The following ZNF560 variants were observed in gnomAD, a reference collection of about 807,000 sequenced individuals.
ZNF560 encodes the protein zinc finger protein 560.
ZNF560 carries 54 observed loss-of-function variants against 81.8 expected under a neutral mutation model. That is an observed-to-expected ratio of 0.66 (90% CI 0.53 to 0.83). The LOEUF is 0.83. Among genes scored for constraint, ZNF560 ranks in the 40% least tolerant of loss-of-function variants. ZNF560 has a pLI of 0.00. For synonymous variants in ZNF560, 321 were observed against 317.9 expected (o/e 1.01, Z -0.10); for missense variants, 940 against 932.4 (o/e 1.01, Z -0.11).
chr19:9,492,208 G>A (rs943769506), intron 2 of ZNF560, among the ~76,000 whole-genome samples: 2 of 152,090 alleles, frequency 1.3e-5, no homozygotes, highest in Non-Finnish European at 2.9e-5. Flanking sequence ...GTTTCACCAT[G>A]TTGCCCAGGT....
rs566216411 is a variant in ZNF560, at chr19:9,473,233, T to C, written c.184A>G (p.Ile62Val). ...VGFQLFKPSVISWLEEEELRT... is the reference protein window; with the variant it reads ...VGFQLFKPSVVSWLEEEELRT... ...AACTCTTCTTCTTCCAACCAAGAGA[T>C]GACACTGGGTTTAAAGAGCTGAAAT... Residue 62 changes from isoleucine to valine, a missense_variant, in exon 5 of 10, where the codon ATC becomes GTC. Physicochemically the swap from Ile to Val is conservative, Grantham distance 29. Transcript: ENST00000301480. 3.1e-6 allele frequency: 5 copies of C among 1,612,530 alleles called. No homozygotes were observed. In the Admixed American group the frequency reaches 6.7e-5, roughly 22 times the overall value.
Position 9,469,640 on chromosome 19 carries a change from T to C in ZNF560, c.519A>G (p.Arg173=). ...EEEEELSTLP[R]VLQEWKMCLK... ...TTCACAAACACTCACCTTGGAGAAC[T>C]CTTGGCAGTGTGCTCAACTCTTCCT... is the stretch of plus-strand genomic sequence containing the variant. The change falls in exon 8 of 10, where the codon AGA becomes AGG. Residue 173 remains arginine (R), a synonymous_variant. Transcript: ENST00000301480. The C allele has an allele frequency of 6.2e-7, 1 of 1,614,136 alleles. No individual in the cohort carries two copies. Among genetic ancestry groups the C allele is most frequent in the Non-Finnish European group, 8.5e-7 (1 of 1,179,978 alleles).
At chr19:9,504,548 A>T in the ZNF560 span, among the ~76,000 whole-genome samples, 1 of 152,226 alleles carries the variant, frequency 6.6e-6, no homozygotes, top group Non-Finnish European at 1.5e-5. Flanking sequence ...TTCTCATGAT[A>T]TCAGATGGAC....
At chr19:9,492,182 T>G (rs2073484884) in intron 2 of ZNF560, among the ~76,000 whole-genome samples, 1 of 151,920 alleles carries the variant, frequency 6.6e-6, no homozygotes. Flanking sequence ...TGATTTTTTG[T>G]TTTCATAGAG....
chr19:9,480,287 A>G (rs1482996763), intron 2 of ZNF560, among the ~76,000 whole-genome samples: 4 of 152,232 alleles, frequency 2.6e-5, no homozygotes, highest in African/African-American at 9.6e-5. Context: ...AAATCATATC[A>G]AACATCTTTT....
At chr19:9,502,518 T>C (rs1194343484), upstream of ZNF560, among the ~76,000 whole-genome samples, 1 of 152,176 alleles carries the variant, frequency 6.6e-6, no homozygotes, top group Non-Finnish European at 1.5e-5. Flanking sequence ...CCTCCTGTTC[T>C]ACTTTTTTGG....
At chr19:9,500,697 C>T (rs2144738723), upstream of ZNF560, among the ~76,000 whole-genome samples, 1 of 152,030 alleles carries the variant, frequency 6.6e-6, no homozygotes, top group Admixed American at 6.5e-5. Flanking sequence ...CTCAGCCTCC[C>T]AAGTAGGTGG....
At position 9,470,397 on chromosome 19, in the gene ZNF560, G is replaced by A; in HGVS notation, c.443C>T (p.Ser148Leu). The change falls in exon 7 of 10, where the codon TCA becomes TTA. Residue 148 changes from serine (S) to leucine (L), a missense_variant. By Grantham distance (145) the Ser-to-Leu change is moderately radical. Transcript: ENST00000301480. ...AGGGATGATGCCAGACTTACCTACT[G>A]AGGACAGGTTCTTGTAGTTCTCCAG... Reference protein sequence around the residue: ...VMLENYKNLSSVGYQLFKPSL... With the variant: ...VMLENYKNLSLVGYQLFKPSL... 1.2e-6 allele frequency: 2 copies of A among 1,610,790 alleles called. No homozygotes were observed. The highest frequency in any genetic ancestry group is 8.5e-7 in the Non-Finnish European group (1 of 1,178,406).
chr19:9,465,596 C>T (rs192168416), downstream of ZNF560, among the ~76,000 whole-genome samples: 37 of 152,288 alleles, frequency 2.4e-4, no homozygotes, highest in Non-Finnish European at 4.4e-4. Flanking sequence ...GACAAATGAG[C>T]ACTTTGACAC....
the ZNF560 span, among the ~76,000 whole-genome samples, chr19:9,451,896 G>A: frequency 6.6e-6 from 1 of 152,060 alleles, no homozygotes; most frequent in Non-Finnish European, 1.5e-5. Flanking sequence ...CCAGCATGGT[G>A]AAACCCCCAT....
intron 3 of ZNF560, among the ~76,000 whole-genome samples, chr19:9,474,894 T>G (rs76949828): frequency 7.2e-6 from 1 of 138,240 alleles, no homozygotes; most frequent in Non-Finnish European, 1.5e-5. Context: ...CTCAAATTCC[T>G]AAGATCAAGC....
In ZNF560 at chr19:9,466,944, G is replaced by T; in HGVS notation, c.2003C>A (p.Ser668Tyr). The T allele has an allele frequency of 6.2e-7, 1 of 1,614,052 alleles. No homozygotes were observed. The highest frequency in any genetic ancestry group is 1.1e-5 in the South Asian group (1 of 91,082). ...TTTTAAGTGTTGAGTTAGTACACAA[G>T]ACCTACTGTAAGCTTTTTCACATGC... ...CNACEKAYSRSCVLTQHLKTH... is the reference protein window; with the variant it reads ...CNACEKAYSRYCVLTQHLKTH... Residue 668 changes from serine to tyrosine, a missense_variant, in exon 10 of 10, where the codon TCT (serine) becomes TAT (tyrosine). By Grantham distance (144) the Ser-to-Tyr change is moderately radical. Coordinates refer to ENST00000301480, the MANE Select transcript of ZNF560 (RefSeq NM_152476.3).
intron 2 of ZNF560, among the ~76,000 whole-genome samples, chr19:9,477,390 C>T (rs993181983): frequency 1.3e-5 from 2 of 152,128 alleles, no homozygotes; most frequent in African/African-American, 4.8e-5. Context: ...GTTGTTATTA[C>T]TCCCCCATAA....
chr19:9,461,244 T>G, the ZNF560 span, among the ~76,000 whole-genome samples: 4 of 152,188 alleles, frequency 2.6e-5, no homozygotes, highest in Non-Finnish European at 5.9e-5. Context: ...ATGGGCGATC[T>G]AAAGTTTGAC....
the ZNF560 span, among the ~76,000 whole-genome samples, chr19:9,450,381 A>C: frequency 6.6e-6 from 1 of 152,276 alleles, no homozygotes; most frequent in African/African-American, 2.4e-5. Flanking sequence ...CAATCAAAGA[A>C]ATAAAAGGCA....
the ZNF560 span, among the ~76,000 whole-genome samples, chr19:9,447,133 C>CAAAAAAA: frequency 4.9e-5 from 4 of 80,846 alleles, no homozygotes; most frequent in Admixed American, 1.4e-4. Flanking sequence ...GACTCCGTCA[C>CAAAAAAA]AAAAAAAAAA....
At chr19:9,449,945 G>C in the ZNF560 span, among the ~76,000 whole-genome samples, 1 of 127,836 alleles carries the variant, frequency 7.8e-6, no homozygotes, top group Non-Finnish European at 1.6e-5. Flanking sequence ...CTGCACTCCA[G>C]CTTGGACAAC....
chr19:9,503,093 C>A (rs947965883), upstream of ZNF560, among the ~76,000 whole-genome samples: 4 of 152,058 alleles, frequency 2.6e-5, no homozygotes, highest in Non-Finnish European at 4.4e-5. Context: ...ATGTGGCTCA[C>A]ACCTGTACTC....
intron 2 of ZNF560, among the ~76,000 whole-genome samples, chr19:9,486,648 G>A (rs1457852204): frequency 1.3e-5 from 2 of 151,750 alleles, no homozygotes; most frequent in African/African-American, 4.8e-5. Flanking sequence ...ACTGAGGCAG[G>A]AGAATCACTT....
Sources: allele counts gnomAD v4.1 joint callset (sites outside exome capture counted in the v4.1 genomes callset), GRCh38; gene constraint gnomAD v4.1.1; transcripts MANE v1.5; gene names NCBI Gene and HGNC (gene_info 2026-07-23, HGNC 2026-07-21).